The following CDC42BPB variants were observed in gnomAD, a reference collection of about 807,000 sequenced individuals.
CDC42BPB encodes the protein serine/threonine-protein kinase MRCK beta.
In CDC42BPB, 37 loss-of-function variants were observed where a neutral mutation model predicts 214.9. The observed-to-expected ratio is 0.17, with a 90% CI of 0.13 to 0.23. CDC42BPB has a LOEUF of 0.23. Among genes scored for constraint, CDC42BPB ranks in the 10% least tolerant of loss-of-function variants. The pLI, the probability that CDC42BPB is intolerant of heterozygous loss-of-function variation, is 1.00. For missense variants in CDC42BPB, 1,694 were observed against 2,227.0 expected, an observed-to-expected ratio of 0.76 and a Z score of 4.82; for synonymous variants, 931 against 884.0, an observed-to-expected ratio of 1.05 and a Z score of -0.94.
intron 30 of CDC42BPB, among the ~76,000 whole-genome samples, chr14:102,942,698 C>T (rs1891952271): frequency 6.6e-6 from 1 of 152,126 alleles, no homozygotes; most frequent in African/African-American, 2.4e-5. Context: ...GCATGTGGCA[C>T]CGTGCCTGGC....
intron 23 of CDC42BPB, chr14:102,952,887 G>T: frequency 4.2e-6 from 1 of 236,910 alleles, no homozygotes; most frequent in Non-Finnish European, 6.9e-6. Flanking sequence ...AGGTGGCATG[G>T]CCAGTGCTCT....
At chr14:103,008,592 C>T (rs766647267) in intron 2 of CDC42BPB, 37 bp from the exon 3 acceptor site, 3 of 1,593,066 alleles carry the variant, frequency 1.9e-6, no homozygotes, top group Non-Finnish European at 2.6e-6. Context: ...AGATGCGGTT[C>T]TTGAACAAAA....
Position 102,954,587 on chromosome 14 carries a change from G to A in CDC42BPB, c.2988+15C>T. The A allele has an allele frequency of 6.2e-7, 1 of 1,606,908 alleles. No homozygotes were observed. Among genetic ancestry groups the A allele is most frequent in the Admixed American group, 1.7e-5 (1 of 59,878 alleles). ...GACCCCAGGTGGGAGCATCACCAGGGCAACGCTGTCTCACCTCCTGCTGCT... is the reference window on the plus strand; with the variant it reads ...GACCCCAGGTGGGAGCATCACCAGGACAACGCTGTCTCACCTCCTGCTGCT... On this transcript the variant is annotated intron_variant, in intron 22 of 36. Coordinates refer to ENST00000361246, the MANE Select transcript of CDC42BPB (RefSeq NM_006035.4).
rs376465925 is a variant in CDC42BPB at position 102,954,237 on chromosome 14, C to T, written c.3027G>A (p.Pro1009=). ...GAGCCAGGGCCTGCGTGGTGGGCAACGGCACAGCGGATGGCCTCTGCGGGG... is the reference window on the plus strand; with the variant it reads ...GAGCCAGGGCCTGCGTGGTGGGCAATGGCACAGCGGATGGCCTCTGCGGGG... ...ARPPQRPSAV[P]LPTTQALALA... Residue 1009 remains proline (P), a synonymous_variant, in exon 23 of 37, where the codon CCG becomes CCA. Coordinates refer to ENST00000361246, the MANE Select transcript of CDC42BPB (RefSeq NM_006035.4). 3.0e-5 allele frequency: 47 copies of T among 1,544,928 alleles called. No homozygotes were observed. The highest frequency in any genetic ancestry group is 1.4e-4 in the Admixed American group (7 of 49,118).
intron 13 of CDC42BPB, 40 bp from the exon 14 acceptor site, chr14:102,970,301 G>GGGCCGGGCGCGGTGGCTCACGCCTGTAAT: frequency 6.4e-7 from 1 of 1,574,688 alleles, no homozygotes; most frequent in Non-Finnish European, 8.6e-7. Flanking sequence ...CAAAAAGCGA[G>GGGCCGGGCGCGGTGGCTCACGCCTGTAAT]CCCTGCTTCA....
intron 8 of CDC42BPB, among the ~76,000 whole-genome samples, chr14:102,978,907 C>T (rs1246789722): frequency 1.3e-5 from 2 of 152,010 alleles, no homozygotes; most frequent in African/African-American, 2.4e-5. Flanking sequence ...CTCAAGAGGC[C>T]GAGGCACGAG....
At position 102,975,773 on chromosome 14, in the gene CDC42BPB, C is replaced by T. The variant is rs1893710704; in HGVS notation, c.1418G>A (p.Gly473Asp). 1 of 1,614,142 alleles carries T rather than the reference C, an allele frequency of 6.2e-7. No individual in the cohort carries two copies. The highest frequency in any genetic ancestry group is 8.5e-7 in the Non-Finnish European group (1 of 1,180,012). Residue 473 changes from glycine (G) to aspartate (D), a missense_variant, in exon 11 of 37, where the codon GGC (glycine) becomes GAC (aspartate). Gly to Asp is a moderately conservative substitution (Grantham distance 94). Transcript: ENST00000361246. Reference protein sequence around the residue: ...ESTQTVQSLHGSSRALSNSNR... With the variant: ...ESTQTVQSLHDSSRALSNSNR... ...TGAATTGCTGAGGGCCCGAGATGAG[C>T]CGTGGAGGGACTGCACGGTCTGGGT... is the stretch of plus-strand genomic sequence containing the variant.
At chr14:103,000,347 G>A (rs945248904) in intron 4 of CDC42BPB, among the ~76,000 whole-genome samples, 5 of 152,192 alleles carry the variant, frequency 3.3e-5, no homozygotes, top group African/African-American at 9.6e-5. Context: ...GGGAGTGGGC[G>A]ACCCCGAGGT....
At chr14:103,035,641 C>A (rs1196328421) in intron 1 of CDC42BPB, among the ~76,000 whole-genome samples, 2 of 151,860 alleles carry the variant, frequency 1.3e-5, no homozygotes, top group Non-Finnish European at 2.9e-5. Context: ...GAGATTGAGA[C>A]CATCCTGGCT....
chr14:102,969,589 C>T (rs35137344), intron 14 of CDC42BPB, among the ~76,000 whole-genome samples: 2,464 of 152,348 alleles, frequency 0.016, 73 homozygotes, highest in African/African-American at 0.055. Flanking sequence ...GCAGACCCAT[C>T]GCACGCGGCT....
At position 102,941,353 on chromosome 14, in the gene CDC42BPB, T is replaced by C. The variant is rs899806454; in HGVS notation, c.4409-1029A>G. 6 of 985,292 alleles carry C rather than the reference T, an allele frequency of 6.1e-6. No homozygotes were observed. The African/African-American group carries it at 1.0e-4, about 17-fold the overall frequency. The allele number at this position is 985,292 out of a possible 1,614,324, so 61.0% of individuals were successfully genotyped here. A position where few individuals can be genotyped will look rare whatever the true frequency, so the allele number is the denominator to read the frequency against. On this transcript the variant is annotated intron_variant, in intron 30 of 36. Coordinates refer to ENST00000361246, the MANE Select transcript of CDC42BPB (RefSeq NM_006035.4). ...TGCATTTTAAAAGCCTTCTGCTCTGTTTCTATCACAGACTCCAAACAGGCT... is the reference window on the plus strand; with the variant it reads ...TGCATTTTAAAAGCCTTCTGCTCTGCTTCTATCACAGACTCCAAACAGGCT...
Position 102,986,467 on chromosome 14 carries a change from T to C in CDC42BPB, c.690+20A>G. 4.4e-6 allele frequency: 7 copies of C among 1,594,634 alleles called. No individual in the cohort carries two copies. Among genetic ancestry groups the C allele is most frequent in the Non-Finnish European group, 6.0e-6 (7 of 1,165,010 alleles). On this transcript the variant is annotated intron_variant, in intron 6 of 36. Transcript: ENST00000361246. Reference sequence around the variant, plus strand: ...GCCAAACCCAAAACCAAATGGAAAATCTCCAACAAAAATACCTACAGTGCC... The same window carrying C: ...GCCAAACCCAAAACCAAATGGAAAACCTCCAACAAAAATACCTACAGTGCC...
In CDC42BPB at chr14:103,005,215, T is replaced by C. The variant is rs552490995; in HGVS notation, c.352-1192A>G. Among the ~76,000 whole-genome samples, 78 of 150,862 alleles carry C rather than the reference T, an allele frequency of 5.2e-4. 1 individual carries two copies. The South Asian group carries it at 6.9e-3, about 13-fold the overall frequency. ...GGCCTTTGGCATAATTTTAACATGA[T>C]TTCCTCTTTATTGAGCACAGAACAA... On this transcript the variant is annotated intron_variant, in intron 3 of 36. Coordinates refer to ENST00000361246, the MANE Select transcript of CDC42BPB (RefSeq NM_006035.4).
At position 103,004,812 on chromosome 14, in the gene CDC42BPB, T is replaced by C. The variant is rs1470476674; in HGVS notation, c.352-789A>G. 6.6e-6 allele frequency among the ~76,000 whole-genome samples: 1 copy of C among 151,028 alleles called. No individual in the cohort carries two copies. Among genetic ancestry groups the C allele is most frequent in the African/African-American group, 2.4e-5 (1 of 40,950 alleles). ...TGAGCCCAGGAAGCGGAGGTTGCGG[T>C]GAGCCAAAATTGCATCACCGTACTC... is the stretch of plus-strand genomic sequence containing the variant. On this transcript the variant is annotated intron_variant, in intron 3 of 36. Transcript: ENST00000361246. This position sits in a 1 kb window ranked among gnomAD's most constrained non-coding sequence, Gnocchi z 5.3.
In CDC42BPB at chr14:102,943,030, G is replaced by A. The variant is rs931022244; in HGVS notation, c.4408+861C>T. On this transcript the variant is annotated intron_variant, in intron 30 of 36. Transcript: ENST00000361246. The surrounding 1 kb of genome is among the most constrained non-coding windows in gnomAD (Gnocchi z 4.6). The stretch of plus-strand genomic sequence containing the variant: ...ACTACAGGCGCCCGCCACCACGCCC[G>A]GCTAATTTTTTTTTGTATTTTTAGT... Among the ~76,000 whole-genome samples, 1 of 152,160 alleles carries A rather than the reference G, an allele frequency of 6.6e-6. No homozygotes were observed. Among genetic ancestry groups the A allele is most frequent in the African/African-American group, 2.4e-5 (1 of 41,432 alleles).
intron 12 of CDC42BPB, among the ~76,000 whole-genome samples, chr14:102,972,726 A>C (rs1370359935): frequency 8.5e-6 from 1 of 117,384 alleles, no homozygotes; most frequent in Non-Finnish European, 1.8e-5. Context: ...AAAAAAAAAA[A>C]AAAAAAAAAA....
intron 1 of CDC42BPB, among the ~76,000 whole-genome samples, chr14:103,046,998 T>A (rs1888326021): frequency 6.6e-6 from 1 of 151,492 alleles, no homozygotes; most frequent in African/African-American, 2.4e-5. Context: ...TTTTTAAGTG[T>A]TCTTGGCTGG....
intron 18 of CDC42BPB, chr14:102,964,901 T>C (rs913824960): frequency 2.1e-5 from 9 of 432,858 alleles, no homozygotes; most frequent in Non-Finnish European, 2.5e-5. Flanking sequence ...AGTGATTCTG[T>C]AGTGCAATTT....
chr14:103,057,101 G>A lies in CDC42BPB; in HGVS notation c.73C>T (p.Leu25=), dbSNP rs373897804. The A allele has an allele frequency of 2.6e-6, 4 of 1,524,616 alleles. No individual in the cohort carries two copies. Among genetic ancestry groups the A allele is most frequent in the African/African-American group, 2.8e-5 (2 of 70,306 alleles). 94.4% of individuals were successfully genotyped at this position (1,524,616 alleles called of 1,614,324 possible). ...ACGTCGAGCAGCGTTTCCACGCTCAGGGCGCTCTCGTTGCGCCAGGGCCCG... is the reference window on the plus strand; with the variant it reads ...ACGTCGAGCAGCGTTTCCACGCTCAAGGCGCTCTCGTTGCGCCAGGGCCCG... ...LDGPWRNESA[L]SVETLLDVLV... The change falls in exon 1 of 37, where the codon CTG becomes TTG. Residue 25 remains leucine, a synonymous_variant. Transcript: ENST00000361246.
Sources: gnomAD v4.1 joint callset for allele counts (sites outside exome capture counted in the v4.1 genomes callset) on GRCh38, gnomAD v4.1.1 for gene constraint, Gnocchi (gnomAD v3.1) non-coding constraint, MANE v1.5 for transcripts, NCBI Gene and HGNC (gene_info 2026-07-23, HGNC 2026-07-21) for gene names.